Variants in COMMD7 observed in about 807,000 individuals in gnomAD.
The protein encoded by COMMD7 is COMM domain-containing protein 7.
In COMMD7, 28 loss-of-function variants were observed where a neutral mutation model predicts 34.8. That is an observed-to-expected ratio of 0.80 (90% CI 0.60 to 1.10). The LOEUF (loss-of-function observed/expected upper bound fraction) is 1.10, where lower values mean the gene tolerates loss of function less well. COMMD7 is among the 50% of genes least tolerant of loss of function. COMMD7 has a pLI of 0.00. For synonymous variants in COMMD7, 80 were observed against 86.4 expected (o/e 0.93, Z 0.41); for missense variants, 211 against 241.6 (o/e 0.87, Z 0.84).
At chr20:32,724,951 TAAAAA>T (rs1175774267) in intron 3 of COMMD7, among the ~76,000 whole-genome samples, 3 of 13,874 alleles carry the variant, frequency 2.2e-4, no homozygotes, top group Admixed American at 1.2e-3. Context: ...AAAATAAATT[TAAAAA>T]AAAAAAAAAA....
In COMMD7 at chr20:32,706,688, C is replaced by T. The variant is rs73251846; in HGVS notation, c.298+16G>A. 5.3e-3 allele frequency: 8,526 copies of T among 1,613,848 alleles called. 367 individuals carry two copies. In the African/African-American group the frequency reaches 0.1, roughly 19 times the overall value. On this transcript the variant is annotated intron_variant, in intron 4 of 8. Transcript: ENST00000278980. The stretch of plus-strand genomic sequence containing the variant: ...CAGAAGCCAGTCACCCTGAGCAACC[C>T]TGGCCAATGACCTACCCAGAGTTAT...
At chr20:32,722,467 G>T (rs1985229633) in intron 3 of COMMD7, among the ~76,000 whole-genome samples, 1 of 152,130 alleles carries the variant, frequency 6.6e-6, no homozygotes, top group Non-Finnish European at 1.5e-5. Flanking sequence ...GCTCATGCCT[G>T]TAATCCCAGC....
intron 1 of COMMD7, chr20:32,742,658 A>T (rs932247983): frequency 3.3e-5 from 5 of 152,254 alleles, no homozygotes; most frequent in African/African-American, 1.2e-4. Context: ...TTCCATGTGA[A>T]TCCCAGTGAC....
chr20:32,738,595 AT>A (rs1354100571), intron 1 of COMMD7, among the ~76,000 whole-genome samples: 4 of 150,988 alleles, frequency 2.6e-5, no homozygotes, highest in Non-Finnish European at 4.5e-5. Flanking sequence ...AGGAAAAAAA[AT>A]GTTTTCCTAG....
intron 1 of COMMD7, among the ~76,000 whole-genome samples, chr20:32,728,943 A>G (rs1186479517): frequency 6.6e-6 from 1 of 152,190 alleles, no homozygotes; most frequent in Non-Finnish European, 1.5e-5. Flanking sequence ...ACACTTTATT[A>G]TACACCTAGA....
At chr20:32,714,300 G>A (rs1417904166) in intron 3 of COMMD7, among the ~76,000 whole-genome samples, 1 of 152,044 alleles carries the variant, frequency 6.6e-6, no homozygotes, top group Non-Finnish European at 1.5e-5. Context: ...AACTCGTTGG[G>A]GAGTGGGGAA....
At chr20:32,739,374 G>C (rs769031592) in intron 1 of COMMD7, among the ~76,000 whole-genome samples, 6 of 152,118 alleles carry the variant, frequency 3.9e-5, no homozygotes, top group Non-Finnish European at 8.8e-5. Flanking sequence ...AGCTGGGCGC[G>C]GTGTCTCACG....
intron 1 of COMMD7, among the ~76,000 whole-genome samples, chr20:32,741,170 G>C (rs1986423247): frequency 6.6e-6 from 1 of 150,882 alleles, no homozygotes; most frequent in Non-Finnish European, 1.5e-5. Flanking sequence ...AAAAAAAACT[G>C]ACAGTAGGCT....
At chr20:32,739,538 G>A (rs1309099605) in intron 1 of COMMD7, among the ~76,000 whole-genome samples, 1 of 145,514 alleles carries the variant, frequency 6.9e-6, no homozygotes, top group Admixed American at 6.9e-5. Flanking sequence ...CCAGCTACTC[G>A]GAAGGCTGAG....
chr20:32,716,652 G>A (rs1191930557), intron 3 of COMMD7, among the ~76,000 whole-genome samples: 1 of 152,126 alleles, frequency 6.6e-6, no homozygotes, highest in African/African-American at 2.4e-5. Flanking sequence ...AGTTTGCACT[G>A]GGCATGTTGC....
intron 1 of COMMD7, among the ~76,000 whole-genome samples, chr20:32,731,435 G>A (rs1032404485): frequency 6.6e-6 from 1 of 152,158 alleles, no homozygotes; most frequent in Non-Finnish European, 1.5e-5. Context: ...GCTTGAGGCT[G>A]CAGCAAACTA....
intron 3 of COMMD7, among the ~76,000 whole-genome samples, chr20:32,726,062 CAAAAAAAAAAAA>C (rs34689858): frequency 4.2e-5 from 3 of 71,134 alleles, no homozygotes; most frequent in Non-Finnish European, 5.3e-5. Context: ...AAGCCTGTCT[CAAAAAAAAAAAA>C]AAAAAAAAAA....
chr20:32,705,377 T>TATA (rs1491348866), intron 5 of COMMD7, among the ~76,000 whole-genome samples: 26 of 84,470 alleles, frequency 3.1e-4, no homozygotes, highest in African/African-American at 1.3e-3. Flanking sequence ...TATATATATA[T>TATA]TTTTTTTTTT....
chr20:32,707,002 G>A (rs1984123949), intron 3 of COMMD7, among the ~76,000 whole-genome samples: 2 of 150,946 alleles, frequency 1.3e-5, no homozygotes, highest in South Asian at 2.1e-4. Context: ...TGCCGGGCAC[G>A]GTAGCTCAAG....
chr20:32,717,141 A>G (rs1314053165), intron 3 of COMMD7, among the ~76,000 whole-genome samples: 1 of 150,952 alleles, frequency 6.6e-6, no homozygotes, highest in Non-Finnish European at 1.5e-5. Context: ...CGGGTTAATA[A>G]CTTTTGAAGG....
At chr20:32,719,387 C>T (rs1303916251) in intron 3 of COMMD7, among the ~76,000 whole-genome samples, 3 of 152,156 alleles carry the variant, frequency 2.0e-5, no homozygotes, top group Non-Finnish European at 2.9e-5. Context: ...GTGGCTCACA[C>T]CTGTAATCCC....
intron 8 of COMMD7, 139 bp downstream of exon 8, chr20:32,703,884 G>A: frequency 1.3e-6 from 2 of 1,554,774 alleles, no homozygotes; most frequent in Non-Finnish European, 1.7e-6. Context: ...TTTCAGGAGA[G>A]GAAAGGCAGT....
At chr20:32,726,481 C>T (rs1245097732) in intron 3 of COMMD7, among the ~76,000 whole-genome samples, 1 of 152,110 alleles carries the variant, frequency 6.6e-6, no homozygotes, top group Non-Finnish European at 1.5e-5. Flanking sequence ...GTGGGTGGAT[C>T]ACCTAAGGTC....
At chr20:32,737,167 G>A (rs777402660) in intron 1 of COMMD7, among the ~76,000 whole-genome samples, 4 of 151,212 alleles carry the variant, frequency 2.6e-5, no homozygotes, top group Non-Finnish European at 5.9e-5. Context: ...GGGTGACAGA[G>A]CGAGACTCCA....
Sources: allele counts gnomAD v4.1 joint callset (sites outside exome capture counted in the v4.1 genomes callset), GRCh38; gene constraint gnomAD v4.1.1; transcripts MANE v1.5; gene names NCBI Gene and HGNC (gene_info 2026-07-23, HGNC 2026-07-21).